Variants in NBEA observed in about 807,000 individuals in gnomAD.
The protein encoded by NBEA is neurobeachin.
In NBEA, 44 loss-of-function variants were observed where a neutral mutation model predicts 343.4. The observed-to-expected ratio is 0.13, with a 90% CI of 0.10 to 0.16. The LOEUF is 0.16. Among genes scored for constraint, NBEA ranks in the 10% least tolerant of loss-of-function variants. NBEA has a pLI of 1.00. For synonymous variants in NBEA, 1,175 were observed against 1,238.7 expected (o/e 0.95, Z 1.08); for missense variants, 2,555 against 3,631.3 (o/e 0.70, Z 7.62).
At chr13:35,054,379 A>G (rs912499202) in intron 6 of NBEA, among the ~76,000 whole-genome samples, 1 of 152,064 alleles carries the variant, frequency 6.6e-6, no homozygotes, top group Non-Finnish European at 1.5e-5. Context: ...ATATTTAGAA[A>G]CAATTGTTAA....
intron 38 of NBEA, among the ~76,000 whole-genome samples, chr13:35,396,182 A>G (rs188520670): frequency 3.4e-4 from 52 of 152,258 alleles, no homozygotes; most frequent in Non-Finnish European, 5.4e-4. Context: ...GGTGCATGCC[A>G]CTGCACCTAG....
chr13:35,334,849 T>C, intron 36 of NBEA, among the ~76,000 whole-genome samples: 1 of 152,214 alleles, frequency 6.6e-6, no homozygotes, highest in Non-Finnish European at 1.5e-5. Flanking sequence ...GAAGAAGTTT[T>C]TTAACTTGAT....
intron 30 of NBEA, among the ~76,000 whole-genome samples, chr13:35,195,172 A>AATTTTAAGGAAACT (rs1385791764): frequency 1.3e-5 from 2 of 152,118 alleles, no homozygotes; most frequent in Non-Finnish European, 2.9e-5. Context: ...ACTAATAGAG[A>AATTTTAAGGAAACT]AATATAAGAA....
intron 47 of NBEA, among the ~76,000 whole-genome samples, chr13:35,596,887 G>T (rs540936883): frequency 2.6e-4 from 39 of 151,290 alleles, no homozygotes; most frequent in Non-Finnish European, 4.9e-4. Flanking sequence ...GAATGCCAGG[G>T]CATCAGTCTT....
chr13:35,503,254 AT>A (rs1300177185), intron 41 of NBEA, among the ~76,000 whole-genome samples: 3 of 151,770 alleles, frequency 2.0e-5, no homozygotes, highest in African/African-American at 7.2e-5. Flanking sequence ...ATATAATAGT[AT>A]AAAAAATAAA....
intron 40 of NBEA, among the ~76,000 whole-genome samples, chr13:35,462,738 A>G (rs944993805): frequency 3.3e-5 from 5 of 152,214 alleles, no homozygotes; most frequent in African/African-American, 1.2e-4. Flanking sequence ...GAGAGCCTCA[A>G]GTAAATTGGC....
chr13:35,059,846 T>C (rs1225240406), intron 8 of NBEA, among the ~76,000 whole-genome samples: 1 of 151,590 alleles, frequency 6.6e-6, no homozygotes, highest in African/African-American at 2.4e-5. Context: ...ATAACCATAA[T>C]AATACTGAAG....
intron 41 of NBEA, among the ~76,000 whole-genome samples, chr13:35,494,051 T>C (rs1564015): frequency 0.034 from 5,166 of 152,066 alleles, 282 homozygotes; most frequent in African/African-American, 0.12. Flanking sequence ...AAAACAACTC[T>C]ATATATTTGT....
At chr13:34,943,498 G>T (rs1200434454) in intron 1 of NBEA, among the ~76,000 whole-genome samples, 2 of 152,098 alleles carry the variant, frequency 1.3e-5, no homozygotes, top group African/African-American at 4.8e-5. Flanking sequence ...CCTTGGTGTC[G>T]CTCTCCGAGG....
chr13:35,105,804 G>A (rs2065892897), intron 11 of NBEA, among the ~76,000 whole-genome samples: 2 of 151,734 alleles, frequency 1.3e-5, no homozygotes, highest in Admixed American at 6.6e-5. Context: ...TAGACTATAA[G>A]GTACCTCTAC....
intron 51 of NBEA, among the ~76,000 whole-genome samples, chr13:35,648,129 G>A (rs565016406): frequency 2.7e-5 from 4 of 150,614 alleles, no homozygotes; most frequent in African/African-American, 7.3e-5. Context: ...CTCCCAAAGC[G>A]CTGGGAATAC....
intron 41 of NBEA, among the ~76,000 whole-genome samples, chr13:35,536,943 G>C (rs2078585192): frequency 6.6e-6 from 1 of 152,188 alleles, no homozygotes; most frequent in African/African-American, 2.4e-5. Context: ...CCTGGAACTG[G>C]CCAGGGGGTC....
At chr13:35,555,206 C>A in intron 44 of NBEA, 104 bp downstream of exon 44, 1 of 566,756 alleles carries the variant, frequency 1.8e-6, no homozygotes, top group Non-Finnish European at 2.9e-6. Flanking sequence ...TCAAATGCAT[C>A]ATTAGAGTAA....
intron 44 of NBEA, among the ~76,000 whole-genome samples, chr13:35,564,057 T>C (rs886215311): frequency 6.6e-6 from 1 of 152,018 alleles, no homozygotes; most frequent in Non-Finnish European, 1.5e-5. Context: ...TCAAGCAGTA[T>C]CCTTTTCTTT....
At chr13:35,054,980 A>G (rs1006558726) in intron 6 of NBEA, among the ~76,000 whole-genome samples, 3 of 152,004 alleles carry the variant, frequency 2.0e-5, no homozygotes, top group Non-Finnish European at 4.4e-5. Context: ...ACAAAATTGA[A>G]TTTTGCTCAA....
intron 38 of NBEA, among the ~76,000 whole-genome samples, chr13:35,367,559 T>A (rs1485209803): frequency 6.6e-6 from 1 of 151,200 alleles, no homozygotes; most frequent in African/African-American, 2.4e-5. Flanking sequence ...TTGTTGTTTT[T>A]TTTTTTTCCA....
intron 38 of NBEA, among the ~76,000 whole-genome samples, chr13:35,378,422 A>T (rs1417839311): frequency 6.6e-6 from 1 of 152,214 alleles, no homozygotes; most frequent in East Asian, 1.9e-4. Context: ...GGTATCTTTA[A>T]GGTATATCAT....
chr13:35,340,882 A>G (rs1819302032), intron 36 of NBEA, among the ~76,000 whole-genome samples: 1 of 108,374 alleles, frequency 9.2e-6, no homozygotes, highest in African/African-American at 3.5e-5. Context: ...GTCTTTTTTC[A>G]GAAATGGAAA....
chr13:35,312,215 A>G (rs143250021), intron 36 of NBEA, among the ~76,000 whole-genome samples: 219 of 152,310 alleles, frequency 1.4e-3, no homozygotes, highest in African/African-American at 5.1e-3. Flanking sequence ...TAATGATGCA[A>G]TCGTACCACA....
Sources: allele counts gnomAD v4.1 joint callset (sites outside exome capture counted in the v4.1 genomes callset), GRCh38; gene constraint gnomAD v4.1.1; transcripts MANE v1.5; gene names NCBI Gene and HGNC (gene_info 2026-07-23, HGNC 2026-07-21).